DDX4: variants seen among roughly 807,000 people sequenced by gnomAD.
The protein encoded by DDX4 is probable ATP-dependent RNA helicase DDX4.
Under a neutral mutation model 100.0 loss-of-function variants are expected in DDX4, and 25 were observed. The ratio of observed to expected loss-of-function variants is 0.25; its 90% CI spans 0.18 to 0.35. The LOEUF (loss-of-function observed/expected upper bound fraction) is 0.35, where lower values mean the gene tolerates loss of function less well. Ranked by LOEUF, DDX4 falls within the 10% of genes least tolerant of loss-of-function variation. DDX4 has a pLI of 1.00. For missense variants in DDX4, 635 were observed against 882.4 expected (o/e 0.72, Z 3.55); for synonymous variants, 259 against 275.7 (o/e 0.94, Z 0.60).
chr5:55,812,580 G>T (rs370594658), intron 18 of DDX4, among the ~76,000 whole-genome samples: 105 of 151,448 alleles, frequency 6.9e-4, no homozygotes, highest in African/African-American at 2.4e-3. Context: ...GCAACAGAGC[G>T]AGACTGCGTC....
intron 18 of DDX4, among the ~76,000 whole-genome samples, chr5:55,809,978 A>T (rs905739756): frequency 6.6e-6 from 1 of 152,234 alleles, no homozygotes; most frequent in Non-Finnish European, 1.5e-5. Context: ...GGGTAAAAGT[A>T]TACTTTGGAT....
chr5:55,746,542 T>C (rs970132691), intron 3 of DDX4, among the ~76,000 whole-genome samples: 7 of 152,224 alleles, frequency 4.6e-5, no homozygotes, highest in African/African-American at 1.7e-4. Context: ...AATATAGGAC[T>C]ATAAGGTTGT....
intron 17 of DDX4, among the ~76,000 whole-genome samples, chr5:55,796,823 C>CTTTTTTTTTTTTTTTTTTTCTTTTTTTT (rs1742981714): frequency 1.7e-5 from 1 of 59,936 alleles, no homozygotes; most frequent in African/African-American, 5.9e-5. Context: ...TTCTTTCTTT[C>CTTTTTTTTTTTTTTTTTTTCTTTTTTTT]TTTTTTTTTT....
intron 6 of DDX4, among the ~76,000 whole-genome samples, chr5:55,766,466 TA>T (rs1446606941): frequency 6.6e-6 from 1 of 150,696 alleles, no homozygotes; most frequent in South Asian, 2.1e-4. Flanking sequence ...TCGAAAGCAG[TA>T]AATATTAGTT....
intron 7 of DDX4, among the ~76,000 whole-genome samples, chr5:55,773,538 C>T (rs1741375996): frequency 1.3e-5 from 2 of 152,132 alleles, no homozygotes; most frequent in African/African-American, 2.4e-5. Context: ...GTTCTGATTT[C>T]TCCACATCCA....
intron 10 of DDX4, among the ~76,000 whole-genome samples, chr5:55,783,667 A>T (rs920492222): frequency 1.6e-5 from 2 of 125,398 alleles, no homozygotes. Context: ...GGATGGATGG[A>T]TGGATGGATG....
At chr5:55,763,121 G>C in intron 4 of DDX4, 54 bp from the exon 5 acceptor site, 1 of 1,170,958 alleles carries the variant, frequency 8.5e-7, no homozygotes, top group Non-Finnish European at 1.3e-6. Flanking sequence ...AGTTTTTGAT[G>C]ATGACACACT....
chr5:55,792,828 A>G, intron 17 of DDX4, 21 bp downstream of exon 17: 1 of 1,293,132 alleles, frequency 7.7e-7, no homozygotes, highest in Non-Finnish European at 1.0e-6. Context: ...TTTCTTAAAA[A>G]TAATTTAATT....
chr5:55,772,866 T>C (rs1191257550), intron 7 of DDX4, among the ~76,000 whole-genome samples: 1 of 152,212 alleles, frequency 6.6e-6, no homozygotes, highest in Non-Finnish European at 1.5e-5. Context: ...ACCTTTTTTT[T>C]CATTAATTAT....
At chr5:55,792,356 A>AT (rs1288012494) in intron 16 of DDX4, among the ~76,000 whole-genome samples, 1 of 149,608 alleles carries the variant, frequency 6.7e-6, no homozygotes, top group Admixed American at 6.7e-5. Context: ...ATTTTTTTTT[A>AT]TTTTTATTTT....
At chr5:55,746,071 G>C (rs1185208317) in intron 2 of DDX4, 93 bp from the exon 3 acceptor site, 6 of 966,158 alleles carry the variant, frequency 6.2e-6, no homozygotes, top group Non-Finnish European at 9.4e-6. Context: ...TCTGAACAAA[G>C]CTCAATTGTT....
rs779568649 is a variant in DDX4, at chr5:55,780,054, T to G, written c.485T>G (p.Leu162Arg). 1.2e-6 allele frequency: 2 copies of G among 1,613,812 alleles called. No homozygotes were observed. Among genetic ancestry groups the G allele is most frequent in the Non-Finnish European group, 8.5e-7 (1 of 1,179,876 alleles). ...CGAGGTTGCCGTGGAGGATTTGGTC[T>G]AGGAAGTCCAAGTTAGTACTGGATT... is the stretch of plus-strand genomic sequence containing the variant. ...SFRGCRGGFG[L>R]GSPNNDLDPD... The change falls in exon 8 of 22, where the codon CTA (leucine) becomes CGA (arginine). Residue 162 changes from leucine to arginine, a missense_variant. Coordinates refer to ENST00000505374, the MANE Select transcript of DDX4 (RefSeq NM_024415.3).
intron 18 of DDX4, among the ~76,000 whole-genome samples, chr5:55,798,863 G>A (rs1743128249): frequency 6.6e-6 from 1 of 152,154 alleles, no homozygotes; most frequent in Non-Finnish European, 1.5e-5. Context: ...GAAAGGCTTA[G>A]TAGTGACACA....
At chr5:55,785,911 A>G (rs1167855027) in intron 13 of DDX4, 40 bp downstream of exon 13, 9 of 1,469,412 alleles carry the variant, frequency 6.1e-6, no homozygotes, top group African/African-American at 1.4e-5. Flanking sequence ...TATGTAGCAC[A>G]CTTTGCCTTT....
At chr5:55,811,402 C>A (rs1744116574) in intron 18 of DDX4, among the ~76,000 whole-genome samples, 1 of 152,020 alleles carries the variant, frequency 6.6e-6, no homozygotes, top group African/African-American at 2.4e-5. Context: ...AAATAATTTT[C>A]ATGATTATAC....
At chr5:55,740,672 A>ATTTTTT (rs11294945) in intron 2 of DDX4, among the ~76,000 whole-genome samples, 2 of 113,630 alleles carry the variant, frequency 1.8e-5, no homozygotes, top group Non-Finnish European at 1.8e-5. Flanking sequence ...CGCCCCGCTA[A>ATTTTTT]TTTTTTTTTT....
Position 55,813,669 on chromosome 5 carries a change from G to GT in DDX4, c.1616-3dup, listed in dbSNP as rs772219442. ...TGAATATTAATAATTTCATTGTCTTGTAGGGGATGAAAGAACTATGGTCTT... is the reference window on the plus strand; with the variant it reads ...TGAATATTAATAATTTCATTGTCTTGTTAGGGGATGAAAGAACTATGGTCTT... On this transcript the variant is annotated splice_polypyrimidine_tract_variant and splice_region_variant and intron_variant, in intron 18 of 21. Coordinates refer to ENST00000505374, the MANE Select transcript of DDX4 (RefSeq NM_024415.3). 1 of 1,575,018 alleles carries GT rather than the reference G, an allele frequency of 6.3e-7. No homozygotes were observed. The highest frequency in any genetic ancestry group is 2.3e-5 in the East Asian group (1 of 43,730).
intron 18 of DDX4, among the ~76,000 whole-genome samples, chr5:55,805,943 C>G (rs929686304): frequency 6.6e-6 from 1 of 152,276 alleles, no homozygotes; most frequent in South Asian, 2.1e-4. Flanking sequence ...AGCTGTGAAT[C>G]CATCTGGTCC....
At chr5:55,803,966 C>T (rs1048473831) in intron 18 of DDX4, among the ~76,000 whole-genome samples, 19 of 151,856 alleles carry the variant, frequency 1.3e-4, no homozygotes, top group African/African-American at 4.4e-4. Flanking sequence ...TATTTCTCCA[C>T]ATCCTCTCCA....
Sources: gnomAD v4.1 joint callset for allele counts (sites outside exome capture counted in the v4.1 genomes callset) on GRCh38, gnomAD v4.1.1 for gene constraint, MANE v1.5 for transcripts, NCBI Gene and HGNC (gene_info 2026-07-23, HGNC 2026-07-21) for gene names.